The following SCML1 variants were observed in gnomAD, a reference collection of about 807,000 sequenced individuals.
The protein encoded by SCML1 is sex comb on midleg-like protein 1.
For synonymous variants in SCML1, 104 were observed against 103.6 expected (o/e 1.00, Z -0.02); for missense variants, 137 against 258.1 (o/e 0.53, Z 3.22).
Position 17,751,834 on chromosome X carries a change from A to C in SCML1, c.723A>C (p.Glu241Asp). ...TTGAAGTTACAAGGTCACCAGTTGA[A>C]AATGACGGTTACATAGAGGAAGGAA... ...APPSVTRSPV[E>D]NDGYIEEGSI... Residue 241 changes from glutamate to aspartate, a missense_variant, in exon 7 of 8, where the codon GAA becomes GAC. By Grantham distance (45) the Glu-to-Asp change is conservative (BLOSUM62 2). Transcript: ENST00000380041. 8.3e-7 allele frequency: 1 copy of C among 1,210,508 alleles called. No homozygotes were observed. Among genetic ancestry groups the C allele is most frequent in the Middle Eastern group, 2.3e-4 (1 of 4,345 alleles).
intron 4 of SCML1, among the ~76,000 whole-genome samples, chrX:17,746,894 G>A (rs946059441): frequency 4.5e-5 from 5 of 112,048 alleles, no homozygotes; most frequent in Non-Finnish European, 7.5e-5. Flanking sequence ...CCAGGGCCAT[G>A]GTCAGCCTGA....
At position 17,750,027 on chromosome X, in the gene SCML1, G is replaced by A. The variant is rs768300603; in HGVS notation, c.437G>A (p.Arg146His). ...SYSPTLPVSRRENNSPSNLPR... is the reference protein window; with the variant it reads ...SYSPTLPVSRHENNSPSNLPR... The stretch of plus-strand genomic sequence containing the variant: ...AGCCCCACTTTACCAGTGTCAAGGC[G>A]TGAGAATAATTCCCCGAGCAACCTT... Residue 146 changes from arginine (R) to histidine (H), a missense_variant, in exon 6 of 8, where the codon CGT (arginine) becomes CAT (histidine). Coordinates refer to ENST00000380041, the MANE Select transcript of SCML1 (RefSeq NM_001037540.3). 5 of 1,211,861 alleles carry A rather than the reference G, an allele frequency of 4.1e-6. No individual in the cohort carries two copies. In the East Asian group the frequency reaches 8.9e-5, roughly 21 times the overall value.
chrX:17,748,074 C>G (rs1264127993), intron 4 of SCML1, among the ~76,000 whole-genome samples: 2 of 111,810 alleles, frequency 1.8e-5, no homozygotes, highest in African/African-American at 6.5e-5. Flanking sequence ...TTCCATAGGT[C>G]TGGGGTACAA....
At chrX:17,751,583 C>A (rs761871720) in intron 6 of SCML1, among the ~76,000 whole-genome samples, 3 of 111,997 alleles carry the variant, frequency 2.7e-5, no homozygotes, top group Non-Finnish European at 5.6e-5. Flanking sequence ...TCTGAACCAG[C>A]TTTTGCTATT....
chrX:17,741,308 C>T (rs760104278), intron 1 of SCML1, among the ~76,000 whole-genome samples: 2 of 111,898 alleles, frequency 1.8e-5, no homozygotes, highest in Non-Finnish European at 3.8e-5. Context: ...GGAGGCGGAG[C>T]TCAGGCGATA....
At chrX:17,745,409 TTCTG>T (rs2066634058) in intron 2 of SCML1, 43 bp from the exon 3 acceptor site, 3 of 799,851 alleles carry the variant, frequency 3.8e-6, no homozygotes, top group Admixed American at 2.6e-5. Flanking sequence ...TTTCTTTTAG[TTCTG>T]TCTTTCATCT....
At chrX:17,748,564 G>C (rs1030227216) in intron 4 of SCML1, among the ~76,000 whole-genome samples, 1 of 111,643 alleles carries the variant, frequency 9.0e-6, no homozygotes, top group African/African-American at 3.3e-5. Context: ...CTGCCAGGTG[G>C]TAGGCCATCA....
Position 17,754,208 on chromosome X carries a change from C to A in SCML1, c.*816C>A, listed in dbSNP as rs1481958224. 1 of 111,489 alleles carries A rather than the reference C, an allele frequency of 9.0e-6. No individual in the cohort carries two copies. Among genetic ancestry groups the A allele is most frequent in the Non-Finnish European group, 1.9e-5 (1 of 53,029 alleles). 9.2% of individuals were successfully genotyped at this position (111,489 alleles called of 1,213,427 possible). ...TACGTCTGTCCAAACTTTTAAAAGG[C>A]ATAACTGTATTTTATGTGTTTATTC... On this transcript the variant is annotated 3_prime_UTR_variant, in exon 8 of 8. Transcript: ENST00000380041.
chrX:17,739,404 T>C (rs2066571952), intron 1 of SCML1, among the ~76,000 whole-genome samples: 1 of 111,175 alleles, frequency 9.0e-6, no homozygotes. Flanking sequence ...TAAATATAAA[T>C]GAGTTTCCTT....
At chrX:17,747,153 G>A (rs922664713) in intron 4 of SCML1, among the ~76,000 whole-genome samples, 8 of 111,523 alleles carry the variant, frequency 7.2e-5, no homozygotes, top group Admixed American at 9.5e-5. Flanking sequence ...CCTCTCCTCC[G>A]AGTCCTCATA....
intron 1 of SCML1, among the ~76,000 whole-genome samples, chrX:17,741,119 C>T (rs1187518083): frequency 8.9e-6 from 1 of 111,925 alleles, no homozygotes; most frequent in Non-Finnish European, 1.9e-5. Flanking sequence ...CACCAGGAAC[C>T]GGTTTTGGTT....
In SCML1 at chrX:17,745,356, G is replaced by A; in HGVS notation, c.34-100G>A. The A allele has an allele frequency of 6.0e-6, 3 of 498,618 alleles. No individual in the cohort carries two copies. The South Asian group carries it at 8.5e-5, about 14-fold the overall frequency. The allele number at this position is 498,618 out of a possible 1,213,427, so 41.1% of individuals were successfully genotyped here. ...AAAGGTCCTTTGATATCACAAATAG[G>A]CCTTTGTAACAGCCTCTTGAAAGTG... is the stretch of plus-strand genomic sequence containing the variant. On this transcript the variant is annotated intron_variant, in intron 2 of 7. Coordinates refer to ENST00000380041, the MANE Select transcript of SCML1 (RefSeq NM_001037540.3).
chrX:17,746,178 G>A (rs946177197), intron 4 of SCML1, 80 bp downstream of exon 4: 6 of 507,078 alleles, frequency 1.2e-5, no homozygotes, highest in Non-Finnish European at 1.9e-5. Context: ...AAGGGAAAGT[G>A]TACAATTAAT....
In SCML1 at chrX:17,754,651, G is replaced by A. The variant is rs932324031; in HGVS notation, c.*1259G>A. On this transcript the variant is annotated 3_prime_UTR_variant, in exon 8 of 8. Coordinates refer to ENST00000380041, the MANE Select transcript of SCML1 (RefSeq NM_001037540.3). ...ATTTATAACTTTGTTATTACATTGT[G>A]TAACAAATATAAGGTTTACGAGCTA... The A allele has an allele frequency of 8.9e-6, 1 of 112,819 alleles. No homozygotes were observed. Among genetic ancestry groups the A allele is most frequent in the African/African-American group, 3.2e-5 (1 of 31,011 alleles). The allele number at this position is 112,819 out of a possible 1,213,427, so 9.3% of individuals were successfully genotyped here.
At position 17,737,668 on chromosome X, in the gene SCML1, G is replaced by A. The variant is rs889850260; in HGVS notation, c.-129G>A. ...TCCGGAGGCCGGCGTGACAGGCTCT[G>A]TCACTAAAATAGGTCTGTCCAGTCG... On this transcript the variant is annotated 5_prime_UTR_variant, in exon 1 of 8. Coordinates refer to ENST00000380041, the MANE Select transcript of SCML1 (RefSeq NM_001037540.3). 1.8e-5 allele frequency: 2 copies of A among 111,231 alleles called. No individual in the cohort carries two copies. The highest frequency in any genetic ancestry group is 3.8e-5 in the Non-Finnish European group (2 of 52,914). The allele number at this position is 111,231 out of a possible 1,213,427, so 9.2% of individuals were successfully genotyped here. A position where few individuals can be genotyped will look rare whatever the true frequency, so the allele number is the denominator to read the frequency against.
At chrX:17,746,884 C>T (rs1162649502) in intron 4 of SCML1, among the ~76,000 whole-genome samples, 6 of 111,937 alleles carry the variant, frequency 5.4e-5, no homozygotes, top group Non-Finnish European at 9.4e-5. Flanking sequence ...GGGGAGGTGT[C>T]CAGGGCCATG....
intron 4 of SCML1, among the ~76,000 whole-genome samples, chrX:17,747,831 T>C (rs2066657098): frequency 2.7e-5 from 3 of 112,095 alleles, no homozygotes; most frequent in Admixed American, 9.4e-5. Context: ...GAGAGAGCTT[T>C]TCATCCTGAT....
At chrX:17,749,151 A>G (rs2066677241) in intron 4 of SCML1, among the ~76,000 whole-genome samples, 1 of 112,077 alleles carries the variant, frequency 8.9e-6, no homozygotes, top group Admixed American at 9.5e-5. Flanking sequence ...ATTCACCAGC[A>G]TTAGAGCTTC....
At chrX:17,750,425 A>C in intron 6 of SCML1, 132 bp downstream of exon 6, 1 of 641,568 alleles carries the variant, frequency 1.6e-6, no homozygotes, top group Non-Finnish European at 2.3e-6. Context: ...GAAATGCCAT[A>C]TTTACAAGTA....
Sources: allele counts gnomAD v4.1 joint callset (sites outside exome capture counted in the v4.1 genomes callset), GRCh38; gene constraint gnomAD v4.1.1; transcripts MANE v1.5; gene names NCBI Gene and HGNC (gene_info 2026-07-23, HGNC 2026-07-21).